Variants in SOX6 observed in about 807,000 individuals in gnomAD.
SOX6 encodes the protein SRY-box transcription factor 6, also known as transcription factor SOX-6.
SOX6 carries 11 observed loss-of-function variants against 97.8 expected under a neutral mutation model. That is an observed-to-expected ratio of 0.11 (90% CI 0.07 to 0.19). The LOEUF is 0.19. SOX6 is among the 10% of genes least tolerant of loss of function. The pLI is 1.00. For missense variants in SOX6, 810 were observed against 1,039.5 expected (o/e 0.78, Z 3.04); for synonymous variants, 360 against 371.4 (o/e 0.97, Z 0.35).
At chr11:16,364,937 T>C (rs1404304946) in intron 1 of SOX6, among the ~76,000 whole-genome samples, 1 of 152,126 alleles carries the variant, frequency 6.6e-6, no homozygotes, top group African/African-American at 2.4e-5. Flanking sequence ...TGTGGAACTA[T>C]TATAAAGAAC....
chr11:16,490,993 C>T (rs2133132505), intron 4 of SOX6, among the ~76,000 whole-genome samples: 1 of 152,074 alleles, frequency 6.6e-6, no homozygotes, highest in East Asian at 1.9e-4. Context: ...AACAAAGATG[C>T]CCACTACTTC....
chr11:16,252,407 G>A (rs1317409315), intron 3 of SOX6: 1 of 152,176 alleles, frequency 6.6e-6, no homozygotes, highest in Non-Finnish European at 1.5e-5. Context: ...ACCTCCACAG[G>A]AACCAGTGTC....
intron 3 of SOX6, among the ~76,000 whole-genome samples, chr11:16,270,654 A>AACACACACACACAC (rs57034455): frequency 6.7e-6 from 1 of 149,272 alleles, no homozygotes; most frequent in African/African-American, 2.4e-5. Flanking sequence ...CACACACACA[A>AACACACACACACAC]ACACACACAC....
intron 3 of SOX6, among the ~76,000 whole-genome samples, chr11:16,246,525 G>A (rs924466129): frequency 6.6e-6 from 1 of 151,594 alleles, no homozygotes; most frequent in African/African-American, 2.4e-5. Flanking sequence ...TAAAATTGTA[G>A]GTTGCAATTT....
At chr11:16,437,243 T>TG (rs968572797) in intron 1 of SOX6, among the ~76,000 whole-genome samples, 8 of 149,880 alleles carry the variant, frequency 5.3e-5, no homozygotes, top group Non-Finnish European at 1.5e-5. Flanking sequence ...CACTCCGGCC[T>TG]GGGGGGCAGA....
At chr11:16,019,023 T>G (rs1457072750) in intron 12 of SOX6, among the ~76,000 whole-genome samples, 1 of 152,166 alleles carries the variant, frequency 6.6e-6, no homozygotes, top group African/African-American at 2.4e-5. Context: ...GATTGTGTAC[T>G]TAAATAACAG....
chr11:16,383,618 G>T (rs112491288), intron 1 of SOX6, among the ~76,000 whole-genome samples: 1,826 of 152,020 alleles, frequency 0.012, 35 homozygotes, highest in African/African-American at 0.042. Context: ...CATATACTAA[G>T]TGCTCAATAA....
At chr11:16,597,049 A>G (rs116985379) in intron 4 of SOX6, among the ~76,000 whole-genome samples, 2,417 of 152,284 alleles carry the variant, frequency 0.016, 24 homozygotes, top group Non-Finnish European at 0.026. Context: ...GAAGTAAATA[A>G]TATCCTGAAG....
At chr11:16,302,571 T>TC (rs1232362468) in intron 3 of SOX6, among the ~76,000 whole-genome samples, 2 of 137,958 alleles carry the variant, frequency 1.4e-5, no homozygotes, top group South Asian at 2.7e-4. Flanking sequence ...TTTTTCTTTT[T>TC]TTTTTTTTTT....
At chr11:16,466,791 C>T (rs1415620154) in intron 1 of SOX6, among the ~76,000 whole-genome samples, 2 of 149,680 alleles carry the variant, frequency 1.3e-5, no homozygotes, top group Non-Finnish European at 1.5e-5. Context: ...ATTAGCCGGG[C>T]GTAGTGGCGG....
intron 3 of SOX6, among the ~76,000 whole-genome samples, chr11:16,269,273 T>C (rs1019755957): frequency 4.6e-5 from 7 of 150,974 alleles, no homozygotes; most frequent in African/African-American, 1.7e-4. Flanking sequence ...CCTTGTTTAT[T>C]CATTTGCCAT....
intron 13 of SOX6, among the ~76,000 whole-genome samples, chr11:15,998,663 T>C (rs557566101): frequency 1.3e-5 from 2 of 152,040 alleles, no homozygotes; most frequent in South Asian, 4.1e-4. Context: ...TAATGAAAAC[T>C]AAGGCTGTTA....
chr11:16,243,166 C>T (rs1853242333), intron 3 of SOX6, among the ~76,000 whole-genome samples: 1 of 152,020 alleles, frequency 6.6e-6, no homozygotes, highest in South Asian at 2.1e-4. Flanking sequence ...ATAATTAACA[C>T]TTGCTGAGCA....
At chr11:16,409,929 A>G (rs2133054472) in intron 1 of SOX6, among the ~76,000 whole-genome samples, 1 of 152,244 alleles carries the variant, frequency 6.6e-6, no homozygotes, top group East Asian at 1.9e-4. Flanking sequence ...CAAAAACCAC[A>G]TGTTCTCCCT....
chr11:16,491,435 A>C (rs961079748), intron 4 of SOX6, among the ~76,000 whole-genome samples: 2 of 152,180 alleles, frequency 1.3e-5, no homozygotes, highest in African/African-American at 4.8e-5. Context: ...AAAATTATAA[A>C]GAAGTCAATC....
At chr11:16,014,839 A>C (rs1590130781) in intron 13 of SOX6, 103 bp downstream of exon 13, 1 of 1,040,794 alleles carries the variant, frequency 9.6e-7, no homozygotes, top group Non-Finnish European at 1.5e-6. Context: ...TAAGAAATCT[A>C]GTGATGACTC....
At chr11:16,694,525 T>TA (rs1002552196) in intron 3 of SOX6, among the ~76,000 whole-genome samples, 15 of 152,150 alleles carry the variant, frequency 9.9e-5, no homozygotes, top group African/African-American at 3.4e-4. Context: ...CCTGTCTCTA[T>TA]AAAAAAATAA....
intron 12 of SOX6, among the ~76,000 whole-genome samples, chr11:16,040,834 T>G (rs1458235589): frequency 2.6e-5 from 4 of 152,052 alleles, no homozygotes; most frequent in Admixed American, 2.0e-4. Context: ...ATCCCTGAAT[T>G]TGGAAAGGTT....
chr11:16,357,153 C>A (rs925350144), upstream of SOX6, among the ~76,000 whole-genome samples: 1 of 152,036 alleles, frequency 6.6e-6, no homozygotes, highest in Non-Finnish European at 1.5e-5. Context: ...ATCATTGGCA[C>A]GAAAGGCTCA....
Sources: gnomAD v4.1 joint callset for allele counts (sites outside exome capture counted in the v4.1 genomes callset) on GRCh38, gnomAD v4.1.1 for gene constraint, MANE v1.5 for transcripts, NCBI Gene and HGNC (gene_info 2026-07-23, HGNC 2026-07-21) for gene names.